KIF5B: variants seen among roughly 807,000 people sequenced by gnomAD.
The protein encoded by KIF5B is kinesin-1 heavy chain.
Under a neutral mutation model 132.8 loss-of-function variants are expected in KIF5B, and 49 were observed. That is an observed-to-expected ratio of 0.37 (90% CI 0.29 to 0.47). KIF5B has a LOEUF of 0.47. Ranked by LOEUF, KIF5B falls within the 20% of genes least tolerant of loss-of-function variation. KIF5B has a pLI of 1.00. For missense variants in KIF5B, 780 were observed against 1,144.0 expected (o/e 0.68, Z 4.59); for synonymous variants, 355 against 369.4 (o/e 0.96, Z 0.45).
intron 25 of KIF5B, among the ~76,000 whole-genome samples, chr10:32,014,376 A>G (rs932963816): frequency 2.4e-4 from 37 of 151,542 alleles, no homozygotes; most frequent in African/African-American, 8.7e-4. Flanking sequence ...GGGCAACAAG[A>G]ACGAGGCTCC....
intron 2 of KIF5B, among the ~76,000 whole-genome samples, 191 bp from the exon 3 acceptor site, chr10:32,040,648 C>T (rs962203403): frequency 6.7e-6 from 1 of 150,132 alleles, no homozygotes; most frequent in African/African-American, 2.5e-5. Context: ...CACACACACA[C>T]ACACACACAC....
chr10:32,034,162 G>A, intron 11 of KIF5B, 124 bp from the exon 12 acceptor site: 2 of 588,774 alleles, frequency 3.4e-6, no homozygotes, highest in East Asian at 3.0e-5. Context: ...CCTGGCTGGA[G>A]TGCAGTGGTG....
chr10:32,056,087 G>C lies in KIF5B; in HGVS notation c.-114C>G, dbSNP rs895686084. ...CGAGGGCCGTGAGAGGCAGCAGTCA[G>C]CTGCGCCGCGCTGCGCTTCCCCGGG... is the stretch of plus-strand genomic sequence containing the variant. On this transcript the variant is annotated 5_prime_UTR_variant, in exon 1 of 26. Coordinates refer to ENST00000302418, the MANE Select transcript of KIF5B (RefSeq NM_004521.3). 2.1e-5 allele frequency: 27 copies of C among 1,267,788 alleles called. No individual in the cohort carries two copies. Among genetic ancestry groups the C allele is most frequent in the Non-Finnish European group, 2.7e-5 (25 of 932,788 alleles). The allele number at this position is 1,267,788 out of a possible 1,614,324, so 78.5% of individuals were successfully genotyped here.
intron 2 of KIF5B, 28 bp downstream of exon 2, chr10:32,048,436 G>T: frequency 6.8e-7 from 1 of 1,468,028 alleles, no homozygotes; most frequent in South Asian, 1.2e-5. Flanking sequence ...TTATTGCTGA[G>T]ACAACTCAGC....
rs559344654 is a variant in KIF5B, at chr10:32,025,498, C to A, written c.1726-2462G>T. 1.1e-4 allele frequency among the ~76,000 whole-genome samples: 16 copies of A among 152,294 alleles called. No homozygotes were observed. The South Asian group carries it at 3.3e-3, about 32-fold the overall frequency. Reference sequence around the variant, plus strand: ...TCAAGCAATTCTCGTGCCTTAGCCTCCCAAATAGCTGGGACTATAGGCGTG... The same window carrying A: ...TCAAGCAATTCTCGTGCCTTAGCCTACCAAATAGCTGGGACTATAGGCGTG... On this transcript the variant is annotated intron_variant, in intron 15 of 25. Transcript: ENST00000302418.
At chr10:32,027,077 CA>C (rs1311381307) in intron 15 of KIF5B, among the ~76,000 whole-genome samples, 2 of 152,096 alleles carry the variant, frequency 1.3e-5, no homozygotes, top group African/African-American at 4.8e-5. Flanking sequence ...CAGTTAACAG[CA>C]AACAGCAACA....
chr10:32,038,090 A>T, intron 6 of KIF5B, 73 bp downstream of exon 6: 1 of 876,272 alleles, frequency 1.1e-6, no homozygotes. Context: ...AGCCTGGGCG[A>T]CAGAGTGAGA....
At chr10:32,021,504 G>GT (rs1841260657) in intron 17 of KIF5B, among the ~76,000 whole-genome samples, 2 of 139,494 alleles carry the variant, frequency 1.4e-5, no homozygotes, top group African/African-American at 2.6e-5. Context: ...TGGTTTGTTT[G>GT]GTTTTTTTTT....
intron 1 of KIF5B, among the ~76,000 whole-genome samples, chr10:32,049,467 T>G (rs1841659899): frequency 6.6e-6 from 1 of 152,156 alleles, no homozygotes; most frequent in Non-Finnish European, 1.5e-5. Context: ...AAAGGTTTCG[T>G]GTAGGAAAGT....
At chr10:32,024,051 T>TAA (rs372127839) in intron 15 of KIF5B, among the ~76,000 whole-genome samples, 11 of 63,390 alleles carry the variant, frequency 1.7e-4, no homozygotes, top group East Asian at 1.2e-3. Flanking sequence ...ACGTTGAGAG[T>TAA]AAAAAAAAAA....
At position 32,035,645 on chromosome 10, in the gene KIF5B, C is replaced by T; in HGVS notation, c.839G>A (p.Ser280Asn). 1 of 1,612,368 alleles carries T rather than the reference C, an allele frequency of 6.2e-7. No homozygotes were observed. Among genetic ancestry groups the T allele is most frequent in the Non-Finnish European group, 8.5e-7 (1 of 1,179,136 alleles). ...ATCTTGAAGGATTCTTGTCATTTTA[C>T]TATCTCGATATGGAACATATGTCTG... The part of the protein sequence containing the change: ...EGSTYVPYRD[S>N]KMTRILQDSL... Residue 280 changes from serine to asparagine, a missense_variant, in exon 10 of 26, where the codon AGT becomes AAT. This residue lies in a region of KIF5B where 15 missense variants were observed against 65.0 expected (regional missense o/e 0.23). Coordinates refer to ENST00000302418, the MANE Select transcript of KIF5B (RefSeq NM_004521.3).
chr10:32,032,982 G>A (rs752308579), intron 12 of KIF5B, among the ~76,000 whole-genome samples: 2 of 152,018 alleles, frequency 1.3e-5, no homozygotes, highest in Non-Finnish European at 2.9e-5. Flanking sequence ...CATGTACTTC[G>A]AACCTGCCAT....
chr10:32,020,647 C>A (rs908863442), intron 19 of KIF5B, among the ~76,000 whole-genome samples: 24 of 152,102 alleles, frequency 1.6e-4, no homozygotes, highest in Admixed American at 3.3e-4. Flanking sequence ...TGGTCTTGAA[C>A]TCCTGACTTC....
rs1157350838 is a variant in KIF5B, at chr10:32,022,878, C to T, written c.1884G>A (p.Glu628=). 1.9e-6 allele frequency: 3 copies of T among 1,612,656 alleles called. No homozygotes were observed. Among genetic ancestry groups the T allele is most frequent in the African/African-American group, 2.7e-5 (2 of 74,878 alleles). ...AGATACGAAGCTGACATGCTGCTAACTCCTTTTCATTTTCTTCCATTTTTT... is the reference window on the plus strand; with the variant it reads ...AGATACGAAGCTGACATGCTGCTAATTCCTTTTCATTTTCTTCCATTTTTT... ...SNKKMEENEK[E]LAACQLRISQ... is the part of the protein sequence containing the mutation. Residue 628 remains glutamate (E), a synonymous_variant, in exon 16 of 26, where the codon GAG becomes GAA. Coordinates refer to ENST00000302418, the MANE Select transcript of KIF5B (RefSeq NM_004521.3).
intron 4 of KIF5B, among the ~76,000 whole-genome samples, chr10:32,039,062 T>C (rs117583286): frequency 6.4e-4 from 97 of 152,326 alleles, no homozygotes; most frequent in Non-Finnish European, 1.1e-3. Flanking sequence ...AATAGTTTTA[T>C]GTAGTAGAAA....
At chr10:32,030,211 A>G (rs1307632998) in intron 14 of KIF5B, among the ~76,000 whole-genome samples, 1 of 152,240 alleles carries the variant, frequency 6.6e-6, no homozygotes, top group African/African-American at 2.4e-5. Context: ...ATCAATTTTC[A>G]GCAAGTAAAA....
intron 1 of KIF5B, among the ~76,000 whole-genome samples, chr10:32,053,914 C>T (rs1841723011): frequency 6.6e-6 from 1 of 152,100 alleles, no homozygotes; most frequent in Non-Finnish European, 1.5e-5. Context: ...GCAACTTTTT[C>T]CCAATGGAAA....
chr10:32,055,696 C>T (rs752689219), intron 1 of KIF5B, 152 bp downstream of exon 1: 1 of 1,052,242 alleles, frequency 9.5e-7, no homozygotes, highest in Non-Finnish European at 1.3e-6. Flanking sequence ...CGCAGTCTCC[C>T]TCCACTGGGT....
intron 2 of KIF5B, among the ~76,000 whole-genome samples, chr10:32,043,057 G>A (rs1279584814): frequency 3.4e-5 from 5 of 147,726 alleles, no homozygotes; most frequent in African/African-American, 8.0e-5. Context: ...GCGCAACCTC[G>A]GCTCACTGCA....
Sources: allele counts gnomAD v4.1 joint callset (sites outside exome capture counted in the v4.1 genomes callset), GRCh38; gene constraint gnomAD v4.1.1; regional missense constraint gnomAD v4.1.1; transcripts MANE v1.5; gene names NCBI Gene and HGNC (gene_info 2026-07-23, HGNC 2026-07-21).